RIMS1: variants seen among roughly 807,000 people sequenced by gnomAD.
RIMS1 encodes regulating synaptic membrane exocytosis 1, also known as regulating synaptic membrane exocytosis protein 1.
In RIMS1, 83 loss-of-function variants were observed where a neutral mutation model predicts 214.1. The ratio of observed to expected loss-of-function variants is 0.39; its 90% CI spans 0.32 to 0.47. The LOEUF (loss-of-function observed/expected upper bound fraction) is 0.47, where lower values mean the gene tolerates loss of function less well. Among genes scored for constraint, RIMS1 ranks in the 20% least tolerant of loss-of-function variants. The pLI, the probability that RIMS1 is intolerant of heterozygous loss-of-function variation, is 0.99. For synonymous variants in RIMS1, 793 were observed against 786.8 expected, an observed-to-expected ratio of 1.01 and a Z score of -0.13; for missense variants, 2,050 against 2,161.8, an observed-to-expected ratio of 0.95 and a Z score of 1.03.
chr6:72,166,398 A>G (rs1340225073), intron 4 of RIMS1, among the ~76,000 whole-genome samples: 1 of 151,836 alleles, frequency 6.6e-6, no homozygotes, highest in Non-Finnish European at 1.5e-5. Context: ...GTAGTCCCTC[A>G]CAATACAGCC....
At chr6:72,106,775 A>C (rs1190950271) in intron 4 of RIMS1, among the ~76,000 whole-genome samples, 2 of 152,168 alleles carry the variant, frequency 1.3e-5, no homozygotes, top group Non-Finnish European at 2.9e-5. Flanking sequence ...ATATCTTCTG[A>C]AATCTATGTA....
intron 6 of RIMS1, among the ~76,000 whole-genome samples, chr6:72,183,847 A>G (rs1257944656): frequency 2.0e-5 from 3 of 151,564 alleles, no homozygotes; most frequent in South Asian, 2.1e-4. Context: ...ATCATTTGCT[A>G]TCATAAAATG....
chr6:72,398,396 G>A, intron 32 of RIMS1, 46 bp downstream of exon 32: 1 of 1,106,476 alleles, frequency 9.0e-7, no homozygotes, highest in Non-Finnish European at 1.3e-6. Flanking sequence ...TATTTAATAG[G>A]CAAACAAATA....
Position 72,163,035 on chromosome 6 carries a change from T to C in RIMS1, c.472-16540T>C, listed in dbSNP as rs1184933638. ...GACTTTCAGGTATACCTATCAGATGTAGATTTGGTCTTTTCACATAGTCCC... is the reference window on the plus strand; with the variant it reads ...GACTTTCAGGTATACCTATCAGATGCAGATTTGGTCTTTTCACATAGTCCC... On this transcript the variant is annotated intron_variant, in intron 4 of 33. Coordinates refer to ENST00000521978, the MANE Select transcript of RIMS1 (RefSeq NM_014989.7). Among the ~76,000 whole-genome samples, 79 of 133,416 alleles carry C rather than the reference T, an allele frequency of 5.9e-4. 15 individuals are homozygous for C. The Admixed American group carries it at 6.0e-3, about 10-fold the overall frequency. The allele number at this position is 133,416 out of a possible 152,430, so 87.5% of individuals were successfully genotyped here. A position where few individuals can be genotyped will look rare whatever the true frequency, so the allele number is the denominator to read the frequency against.
At chr6:72,076,615 A>C (rs924999556) in intron 2 of RIMS1, among the ~76,000 whole-genome samples, 1 of 152,232 alleles carries the variant, frequency 6.6e-6, no homozygotes, top group Non-Finnish European at 1.5e-5. Context: ...CTGAGGGTTA[A>C]AGGAGGTAGA....
intron 2 of RIMS1, among the ~76,000 whole-genome samples, chr6:71,969,907 C>T (rs952449275): frequency 1.4e-4 from 15 of 107,774 alleles, no homozygotes; most frequent in African/African-American, 4.9e-4. Context: ...AATTAAATGA[C>T]CAACAGAAAG....
At chr6:72,053,093 G>A (rs971894204) in intron 2 of RIMS1, among the ~76,000 whole-genome samples, 1 of 152,108 alleles carries the variant, frequency 6.6e-6, no homozygotes, top group African/African-American at 2.4e-5. Context: ...TGTTTCTATA[G>A]GCATTTCTCT....
chr6:72,349,336 G>A (rs879564713), intron 29 of RIMS1, among the ~76,000 whole-genome samples: 4 of 151,900 alleles, frequency 2.6e-5, no homozygotes, highest in Non-Finnish European at 4.4e-5. Context: ...AAACTATGAA[G>A]ATTCTGACAA....
intron 25 of RIMS1, among the ~76,000 whole-genome samples, chr6:72,291,062 C>A (rs1411992363): frequency 6.6e-6 from 1 of 152,090 alleles, no homozygotes; most frequent in Non-Finnish European, 1.5e-5. Context: ...ATAGTTTCTG[C>A]CAATTAGCTC....
At chr6:72,228,875 A>T (rs1375831504) in intron 6 of RIMS1, among the ~76,000 whole-genome samples, 1 of 151,794 alleles carries the variant, frequency 6.6e-6, no homozygotes, top group African/African-American at 2.4e-5. Flanking sequence ...GTGCTTTCTC[A>T]TTGTGGTTTT....
chr6:72,193,332 C>T (rs17782317), intron 6 of RIMS1, among the ~76,000 whole-genome samples: 27,731 of 152,134 alleles, frequency 0.18, 3,071 homozygotes, highest in Non-Finnish European at 0.25. Context: ...ACCAGACGCT[C>T]ATTTATCTGA....
intron 4 of RIMS1, among the ~76,000 whole-genome samples, chr6:72,133,287 T>C (rs547426460): frequency 3.7e-4 from 56 of 151,648 alleles, no homozygotes; most frequent in African/African-American, 1.3e-3. Context: ...TAGAATGCAG[T>C]GGCTCAGTCA....
At chr6:72,086,586 T>A (rs149305025) in intron 2 of RIMS1, among the ~76,000 whole-genome samples, 4 of 152,300 alleles carry the variant, frequency 2.6e-5, no homozygotes, top group South Asian at 2.1e-4. Flanking sequence ...TGCTACTTTC[T>A]TTGTACTCCC....
At chr6:71,950,755 C>T (rs1212892514) in intron 1 of RIMS1, among the ~76,000 whole-genome samples, 1 of 152,072 alleles carries the variant, frequency 6.6e-6, no homozygotes, top group Non-Finnish European at 1.5e-5. Context: ...CCGACTGAGG[C>T]AGCTTCTACC....
chr6:72,266,734 T>A (rs576395016), intron 22 of RIMS1, among the ~76,000 whole-genome samples: 3 of 152,240 alleles, frequency 2.0e-5, no homozygotes, highest in African/African-American at 7.2e-5. Flanking sequence ...TGTAAGCATC[T>A]AATTTTTCCA....
chr6:72,183,096 A>C lies in RIMS1; in HGVS notation c.1625A>C (p.Glu542Ala). The change falls in exon 6 of 34, where the codon GAG becomes GCG. Residue 542 changes from glutamate to alanine, a missense_variant. By Grantham distance (107) the Glu-to-Ala change is moderately radical. This residue lies in a region of RIMS1 where 882 missense variants were observed against 828.9 expected (regional missense o/e 1.06). Transcript: ENST00000521978. ...SSEEEGVSTPEYTSCEDVELE... is the reference protein window; with the variant it reads ...SSEEEGVSTPAYTSCEDVELE... ...GAGGAGGAGGGCGTGTCGACGCCCG[A>C]GTACACCAGCTGCGAGGACGTGGAG... The C allele has an allele frequency of 6.3e-7, 1 of 1,592,150 alleles. No homozygotes were observed. Among genetic ancestry groups the C allele is most frequent in the Non-Finnish European group, 8.5e-7 (1 of 1,170,424 alleles).
At position 72,402,494 on chromosome 6, in the gene RIMS1, A is replaced by G. The variant is rs566533971; in HGVS notation, c.*1780A>G. The G allele has an allele frequency of 6.5e-6, 1 of 152,746 alleles. No individual in the cohort carries two copies. Among genetic ancestry groups the G allele is most frequent in the Non-Finnish European group, 1.5e-5 (1 of 68,030 alleles). The allele number at this position is 152,746 out of a possible 1,614,324, so 9.5% of individuals were successfully genotyped here. A position where few individuals can be genotyped will look rare whatever the true frequency, so the allele number is the denominator to read the frequency against. On this transcript the variant is annotated 3_prime_UTR_variant, in exon 34 of 34. Transcript: ENST00000521978. Reference sequence around the variant, plus strand: ...TAACACATGTAGACACTGTGTACACACTAGGTTTTAATTCATAGACATACT... The same window carrying G: ...TAACACATGTAGACACTGTGTACACGCTAGGTTTTAATTCATAGACATACT...
chr6:71,893,962 G>A (rs892938930), intron 1 of RIMS1, among the ~76,000 whole-genome samples: 13 of 152,002 alleles, frequency 8.6e-5, no homozygotes, highest in African/African-American at 3.1e-4. Context: ...GTTTCAACCC[G>A]GATGACAAAT....
chr6:72,235,624 G>C lies in RIMS1; in HGVS notation c.1753G>C (p.Val585Leu). 1 of 1,606,236 alleles carries C rather than the reference G, an allele frequency of 6.2e-7. No individual in the cohort carries two copies. The highest frequency in any genetic ancestry group is 8.5e-7 in the Non-Finnish European group (1 of 1,174,870). ...CTCATTCATGTTTTAACAGCATCCTGTAACGTGGCAACCATCTAAAGAGGG... is the reference window on the plus strand; with the variant it reads ...CTCATTCATGTTTTAACAGCATCCTCTAACGTGGCAACCATCTAAAGAGGG... ...RETSPISSHP[V>L]TWQPSKEGDR... Residue 585 changes from valine to leucine, a missense_variant, in exon 8 of 34, where the codon GTA becomes CTA. Val to Leu is a conservative substitution (Grantham distance 32). This residue lies in a region of RIMS1 where 882 missense variants were observed against 828.9 expected (regional missense o/e 1.06). Coordinates refer to ENST00000521978, the MANE Select transcript of RIMS1 (RefSeq NM_014989.7).
Sources: gnomAD v4.1 joint callset for allele counts (sites outside exome capture counted in the v4.1 genomes callset) on GRCh38, gnomAD v4.1.1 for gene constraint, gnomAD v4.1.1 regional missense constraint, MANE v1.5 for transcripts, NCBI Gene and HGNC (gene_info 2026-07-23, HGNC 2026-07-21) for gene names.